Variants in YBX1 observed in about 807,000 individuals in gnomAD.
The protein encoded by YBX1 is Y-box binding protein 1, also known as Y-box-binding protein 1.
A neutral mutation model predicts 41.4 loss-of-function variants in YBX1; 3 were observed. The ratio of observed to expected loss-of-function variants is 0.07; its 90% CI spans 0.03 to 0.19. The LOEUF (loss-of-function observed/expected upper bound fraction) is 0.19. Ranked by LOEUF, YBX1 falls within the 10% of genes least tolerant of loss-of-function variation. The probability of loss-of-function intolerance (pLI) is 1.00; values close to 1 mark genes in which losing one functional copy is unlikely to be tolerated. For synonymous variants in YBX1, 133 were observed against 165.8 expected (o/e 0.80, Z 1.52); for missense variants, 274 against 462.8 (o/e 0.59, Z 3.74).
Position 42,682,657 on chromosome 1 carries a change from G to A in YBX1, c.92G>A (p.Gly31Asp), listed in dbSNP as rs987911536. ...GCCGACACCAAGCCCGGCACTACGG[G>A]CAGCGGCGCAGGGAGCGGTGGCCCG... ...SAADTKPGTT[G>D]SGAGSGGPGG... is the part of the protein sequence containing the mutation. Residue 31 changes from glycine (G) to aspartate (D), a missense_variant, in exon 1 of 8, where the codon GGC becomes GAC. Transcript: ENST00000321358. The A allele has an allele frequency of 7.5e-6, 10 of 1,339,610 alleles. No individual in the cohort carries two copies. Among genetic ancestry groups the A allele is most frequent in the Non-Finnish European group, 9.5e-6 (10 of 1,053,858 alleles). 83.0% of individuals were successfully genotyped at this position (1,339,610 alleles called of 1,614,324 possible). A position where few individuals can be genotyped will look rare whatever the true frequency, so the allele number is the denominator to read the frequency against.
rs1295452147 is a variant in YBX1, at chr1:42,682,512, C to T, written c.-54C>T. On this transcript the variant is annotated 5_prime_UTR_variant, in exon 1 of 8. Transcript: ENST00000321358. Reference sequence around the variant, plus strand: ...CGCCGCCGGCCTAGTTACCATCACACCCCGGGAGGAGCCGCAGCTGCCGCA... The same window carrying T: ...CGCCGCCGGCCTAGTTACCATCACATCCCGGGAGGAGCCGCAGCTGCCGCA... 4.3e-6 allele frequency: 6 copies of T among 1,405,482 alleles called. No homozygotes were observed. Among genetic ancestry groups the T allele is most frequent in the South Asian group, 1.5e-5 (1 of 68,338 alleles). The allele number at this position is 1,405,482 out of a possible 1,614,324, so 87.1% of individuals were successfully genotyped here.
Position 42,687,065 on chromosome 1 carries a change from C to T in YBX1, c.230+3599C>T, listed in dbSNP as rs190217437. On this transcript the variant is annotated intron_variant, in intron 2 of 7. Transcript: ENST00000321358. Reference sequence around the variant, plus strand: ...GCTCTTGTCTGCTGACTTGCTAGGTCCTGGATTTGAAAAGTTTTCTGCCTT... The same window carrying T: ...GCTCTTGTCTGCTGACTTGCTAGGTTCTGGATTTGAAAAGTTTTCTGCCTT... Among the ~76,000 whole-genome samples the T allele has an allele frequency of 1.2e-3, 178 of 152,212 alleles. 2 individuals are homozygous for T. Among genetic ancestry groups the T allele is most frequent in the African/African-American group, 3.7e-3 (153 of 41,540 alleles).
intron 2 of YBX1, among the ~76,000 whole-genome samples, chr1:42,690,924 C>T (rs1159676109): frequency 6.6e-6 from 1 of 152,142 alleles, no homozygotes; most frequent in Non-Finnish European, 1.5e-5. Flanking sequence ...GGGTCAGTTC[C>T]AGTGTTAATT....
intron 6 of YBX1, 106 bp downstream of exon 6, chr1:42,697,368 C>T (rs561935525): frequency 6.8e-5 from 74 of 1,087,210 alleles, no homozygotes; most frequent in Middle Eastern, 4.1e-4. Context: ...TAACACTTCA[C>T]GTTTTCTTTC....
At chr1:42,698,119 A>G (rs1450443446) in intron 6 of YBX1, among the ~76,000 whole-genome samples, 1 of 152,246 alleles carries the variant, frequency 6.6e-6, no homozygotes, top group South Asian at 2.1e-4. Flanking sequence ...AGTATCCAAC[A>G]TATCCAAAAT....
At chr1:42,683,165 G>A in intron 1 of YBX1, 3 of 655,750 alleles carry the variant, frequency 4.6e-6, no homozygotes, top group Non-Finnish European at 5.6e-6. Context: ...CGCGGCCTGC[G>A]CACACACCCA....
chr1:42,683,117 G>T (rs1278221412), intron 1 of YBX1: 1 of 594,528 alleles, frequency 1.7e-6, no homozygotes, highest in Non-Finnish European at 3.1e-6. Flanking sequence ...GCCTACGCAG[G>T]CCGGAGCGGC....
At chr1:42,695,564 G>A (rs1265942486) in intron 3 of YBX1, among the ~76,000 whole-genome samples, 3 of 152,196 alleles carry the variant, frequency 2.0e-5, no homozygotes, top group African/African-American at 7.2e-5. Flanking sequence ...TAACAGTCTG[G>A]AGAAAGTAGA....
At chr1:42,697,378 C>T (rs1006760409) in intron 6 of YBX1, 116 bp downstream of exon 6, 19 of 958,344 alleles carry the variant, frequency 2.0e-5, no homozygotes, top group Non-Finnish European at 2.9e-5. Flanking sequence ...CGTTTTCTTT[C>T]ATCAGATGCC....
intron 2 of YBX1, among the ~76,000 whole-genome samples, chr1:42,688,245 A>G (rs1650245957): frequency 6.6e-6 from 1 of 152,154 alleles, no homozygotes; most frequent in African/African-American, 2.4e-5. Flanking sequence ...ATTTTTTTTG[A>G]TAAATATATT....
At chr1:42,689,241 G>A (rs143851056) in intron 2 of YBX1, among the ~76,000 whole-genome samples, 123 of 152,138 alleles carry the variant, frequency 8.1e-4, no homozygotes, top group African/African-American at 2.9e-3. Flanking sequence ...GGTGTGAAGG[G>A]TGTTTAATAG....
intron 3 of YBX1, among the ~76,000 whole-genome samples, chr1:42,694,877 A>G (rs932052168): frequency 6.6e-6 from 1 of 152,168 alleles, no homozygotes; most frequent in African/African-American, 2.4e-5. Context: ...AAGAGACAGC[A>G]AAGTTTCTCG....
intron 2 of YBX1, among the ~76,000 whole-genome samples, chr1:42,691,973 C>A (rs1192996374): frequency 6.6e-6 from 1 of 152,160 alleles, no homozygotes; most frequent in Non-Finnish European, 1.5e-5. Context: ...GCCTCACCCC[C>A]CAGAGTAGCT....
chr1:42,702,433 A>T lies in YBX1; in HGVS notation c.*484A>T, dbSNP rs1194550915. 6.5e-6 allele frequency: 1 copy of T among 152,676 alleles called. No individual in the cohort carries two copies. The highest frequency in any genetic ancestry group is 2.4e-5 in the African/African-American group (1 of 41,466). 9.5% of individuals were successfully genotyped at this position (152,676 alleles called of 1,614,324 possible). On this transcript the variant is annotated 3_prime_UTR_variant, in exon 8 of 8. Coordinates refer to ENST00000321358, the MANE Select transcript of YBX1 (RefSeq NM_004559.5). Reference sequence around the variant, plus strand: ...GGACCCTTAGCTTGACCCAGTCTACAAATAGATGATGCTCACTGGTAATTC... The same window carrying T: ...GGACCCTTAGCTTGACCCAGTCTACTAATAGATGATGCTCACTGGTAATTC...
chr1:42,687,157 A>C lies in YBX1; in HGVS notation c.230+3691A>C, dbSNP rs6680832. On this transcript the variant is annotated intron_variant, in intron 2 of 7. Transcript: ENST00000321358. ...AGTTTAGCATGTAGGTCAGCTATAC[A>C]AATAAAAGGACTTGCTTAATTCCTG... 7.6e-4 allele frequency among the ~76,000 whole-genome samples: 116 copies of C among 152,340 alleles called. 1 individual carries two copies. Among genetic ancestry groups the C allele is most frequent in the African/African-American group, 2.8e-3 (115 of 41,578 alleles).
intron 6 of YBX1, 58 bp downstream of exon 6, chr1:42,697,320 A>C: frequency 6.5e-7 from 1 of 1,542,050 alleles, no homozygotes; most frequent in Non-Finnish European, 8.9e-7. Flanking sequence ...GTTAGGACTC[A>C]GCAATATCAT....
Position 42,683,257 on chromosome 1 carries a change from C to T in YBX1, c.167-146C>T, listed in dbSNP as rs758841542. 9.7e-6 allele frequency: 9 copies of T among 928,134 alleles called. No individual in the cohort carries two copies. The African/African-American group carries it at 9.8e-5, about 10-fold the overall frequency. 57.5% of individuals were successfully genotyped at this position (928,134 alleles called of 1,614,324 possible). A position where few individuals can be genotyped will look rare whatever the true frequency, so the allele number is the denominator to read the frequency against. ...ACGTGTGCGGCGGCGGCGGCGACTG[C>T]GTGGCCCCGCACCCGGGCGGTGGAG... On this transcript the variant is annotated intron_variant, in intron 1 of 7. Transcript: ENST00000321358.
At chr1:42,701,114 C>G in intron 7 of YBX1, 68 bp downstream of exon 7, 1 of 1,194,082 alleles carries the variant, frequency 8.4e-7, no homozygotes, top group Non-Finnish European at 1.2e-6. Context: ...TTTATTAATG[C>G]AAGAGTAGAA....
chr1:42,683,251 C>T (rs955621363), intron 1 of YBX1, 152 bp from the exon 2 acceptor site: 7 of 881,536 alleles, frequency 7.9e-6, no homozygotes, highest in East Asian at 2.6e-5. Flanking sequence ...GCGGCGGCGG[C>T]GACTGCGTGG....
Sources: gnomAD v4.1 joint callset for allele counts (sites outside exome capture counted in the v4.1 genomes callset) on GRCh38, gnomAD v4.1.1 for gene constraint, MANE v1.5 for transcripts, NCBI Gene and HGNC (gene_info 2026-07-23, HGNC 2026-07-21) for gene names.